Variants in FAM20B observed in about 807,000 individuals in gnomAD.
FAM20B encodes glycosaminoglycan xylosylkinase.
In FAM20B, 23 loss-of-function variants were observed where a neutral mutation model predicts 43.8. The ratio of observed to expected loss-of-function variants is 0.53; its 90% CI spans 0.38 to 0.74. The LOEUF is 0.74. Among genes scored for constraint, FAM20B ranks in the 30% least tolerant of loss-of-function variants. The pLI, the probability that FAM20B is intolerant of heterozygous loss-of-function variation, is 0.00. For missense variants in FAM20B, 440 were observed against 510.5 expected (o/e 0.86, Z 1.33); for synonymous variants, 178 against 192.4 (o/e 0.93, Z 0.62).
chr1:179,058,177 A>AT (rs766020981), intron 4 of FAM20B, among the ~76,000 whole-genome samples: 11 of 152,226 alleles, frequency 7.2e-5, no homozygotes, highest in Non-Finnish European at 1.3e-4. Flanking sequence ...AACACATTAA[A>AT]TAAGATCTAT....
intron 1 of FAM20B, among the ~76,000 whole-genome samples, chr1:179,039,376 T>C (rs910505519): frequency 6.6e-6 from 1 of 152,362 alleles, no homozygotes; most frequent in African/African-American, 2.4e-5. Flanking sequence ...AGCCCCATGC[T>C]AGAAGGAGCA....
chr1:179,057,563 C>G (rs1425891217), intron 4 of FAM20B, among the ~76,000 whole-genome samples: 1 of 152,130 alleles, frequency 6.6e-6, no homozygotes, highest in East Asian at 1.9e-4. Flanking sequence ...CATTTTATAC[C>G]TAAGAGTGGA....
At position 179,074,765 on chromosome 1, in the gene FAM20B, A is replaced by G. The variant is rs1652063834; in HGVS notation, c.*2621A>G. On this transcript the variant is annotated 3_prime_UTR_variant, in exon 8 of 8. Transcript: ENST00000263733. ...AGAGTGGTATGACATGGCACTAAAA[A>G]TATAAATTTTTGTTGTAAGTCAGGA... 6.6e-6 allele frequency: 1 copy of G among 152,046 alleles called. No homozygotes were observed. The highest frequency in any genetic ancestry group is 1.5e-5 in the Non-Finnish European group (1 of 67,952). 9.4% of individuals were successfully genotyped at this position (152,046 alleles called of 1,614,324 possible). A position where few individuals can be genotyped will look rare whatever the true frequency, so the allele number is the denominator to read the frequency against.
At chr1:179,054,101 C>T (rs571135754) in intron 3 of FAM20B, among the ~76,000 whole-genome samples, 71 of 149,052 alleles carry the variant, frequency 4.8e-4, no homozygotes, top group Non-Finnish European at 2.5e-4. Flanking sequence ...CCTTTTAGAT[C>T]AGTCTGCTTT....
chr1:179,046,129 G>A (rs544153159), intron 2 of FAM20B, among the ~76,000 whole-genome samples: 14 of 152,248 alleles, frequency 9.2e-5, no homozygotes. Context: ...TCAATCAGTG[G>A]TACAGAAGTT....
At chr1:179,065,388 C>T (rs1173274963) in intron 6 of FAM20B, among the ~76,000 whole-genome samples, 6 of 152,110 alleles carry the variant, frequency 3.9e-5, no homozygotes, top group South Asian at 2.1e-4. Flanking sequence ...CTGCTTGCCT[C>T]GACCTCTCAA....
At chr1:179,050,241 A>G (rs1339673856) in intron 2 of FAM20B, 38 bp from the exon 3 acceptor site, 1 of 1,432,752 alleles carries the variant, frequency 7.0e-7, no homozygotes, top group African/African-American at 1.4e-5. Flanking sequence ...TACTGGTGTA[A>G]TCCACGTATA....
chr1:179,059,403 T>C (rs929235876), intron 4 of FAM20B, among the ~76,000 whole-genome samples: 1 of 152,164 alleles, frequency 6.6e-6, no homozygotes, highest in Non-Finnish European at 1.5e-5. Flanking sequence ...GAGGTACTAT[T>C]GTTGTCTCCA....
chr1:179,019,069 T>C, the FAM20B span, among the ~76,000 whole-genome samples: 1 of 152,178 alleles, frequency 6.6e-6, no homozygotes, highest in East Asian at 1.9e-4. Context: ...CCTGAACAGA[T>C]TGGATGCAGT....
At chr1:179,065,079 A>G (rs1014242286) in intron 6 of FAM20B, among the ~76,000 whole-genome samples, 1 of 151,624 alleles carries the variant, frequency 6.6e-6, no homozygotes, top group African/African-American at 2.4e-5. Flanking sequence ...GGCCTGAGCT[A>G]TTTGGAGAGC....
At chr1:179,035,185 C>T (rs1557866536) in intron 1 of FAM20B, 1 of 399,396 alleles carries the variant, frequency 2.5e-6, no homozygotes, top group Non-Finnish European at 4.7e-6. Context: ...TGTAGACCCC[C>T]ACACCAACAT....
Position 179,072,391 on chromosome 1 carries a change from G to T in FAM20B, c.*247G>T. On this transcript the variant is annotated 3_prime_UTR_variant, in exon 8 of 8. Coordinates refer to ENST00000263733, the MANE Select transcript of FAM20B (RefSeq NM_014864.4). ...TCGGCAATTGCTCATTCTAGGGTTG[G>T]GCATCATAGTTGGTCAGTCTTAATT... 1 of 501,468 alleles carries T rather than the reference G, an allele frequency of 2.0e-6. No individual in the cohort carries two copies. The allele number at this position is 501,468 out of a possible 1,614,324, so 31.1% of individuals were successfully genotyped here.
intron 1 of FAM20B, among the ~76,000 whole-genome samples, chr1:179,040,778 C>G (rs570911308): frequency 1.3e-5 from 2 of 151,652 alleles, no homozygotes; most frequent in African/African-American, 2.4e-5. Flanking sequence ...CCCTCCCGGA[C>G]GGGTTGGCTG....
At chr1:179,052,787 A>G (rs1359609955) in intron 3 of FAM20B, among the ~76,000 whole-genome samples, 2 of 152,188 alleles carry the variant, frequency 1.3e-5, no homozygotes, top group East Asian at 3.8e-4. Flanking sequence ...TTAATGGCAC[A>G]CTAGAATCAG....
intron 7 of FAM20B, among the ~76,000 whole-genome samples, chr1:179,069,661 C>T (rs1340513492): frequency 6.6e-6 from 1 of 152,106 alleles, no homozygotes; most frequent in African/African-American, 2.4e-5. Context: ...CATGAGCCAC[C>T]GTGCCTGGCC....
chr1:179,048,787 G>T (rs1392091768), intron 2 of FAM20B, among the ~76,000 whole-genome samples: 1 of 152,220 alleles, frequency 6.6e-6, no homozygotes, highest in African/African-American at 2.4e-5. Flanking sequence ...CAACCAGAAG[G>T]TGATACATGG....
rs1652054988 is a variant in FAM20B at position 179,074,384 on chromosome 1, G to C, written c.*2240G>C. On this transcript the variant is annotated 3_prime_UTR_variant, in exon 8 of 8. Coordinates refer to ENST00000263733, the MANE Select transcript of FAM20B (RefSeq NM_014864.4). ...AGCTTCCAGGAGCCAGCTGGGAGGA[G>C]ACAATAGGAAGAGATGTCATCTCTG... 1 of 152,634 alleles carries C rather than the reference G, an allele frequency of 6.6e-6. No homozygotes were observed. Among genetic ancestry groups the C allele is most frequent in the Admixed American group, 6.5e-5 (1 of 15,274 alleles). 9.5% of individuals were successfully genotyped at this position (152,634 alleles called of 1,614,324 possible).
At chr1:179,057,150 G>C (rs1019593214) in intron 4 of FAM20B, among the ~76,000 whole-genome samples, 1 of 152,092 alleles carries the variant, frequency 6.6e-6, no homozygotes, top group Non-Finnish European at 1.5e-5. Flanking sequence ...TTCGAGACCA[G>C]CCTGGCCAAT....
At chr1:179,055,164 TG>T (rs1216098347) in intron 4 of FAM20B, among the ~76,000 whole-genome samples, 6 of 152,212 alleles carry the variant, frequency 3.9e-5, no homozygotes, top group Non-Finnish European at 7.3e-5. Context: ...TCATTGTGCC[TG>T]GAACTGGCTA....
Sources: gnomAD v4.1 joint callset for allele counts (sites outside exome capture counted in the v4.1 genomes callset) on GRCh38, gnomAD v4.1.1 for gene constraint, MANE v1.5 for transcripts, NCBI Gene and HGNC (gene_info 2026-07-23, HGNC 2026-07-21) for gene names.